Variants in RERE observed in about 807,000 individuals in gnomAD.
The protein encoded by RERE is arginine-glutamic acid dipeptide repeats protein.
In RERE, 40 loss-of-function variants were observed where a neutral mutation model predicts 146.1. The ratio of observed to expected loss-of-function variants is 0.27; its 90% confidence interval spans 0.21 to 0.36. The LOEUF is 0.36. RERE is among the 10% of genes least tolerant of loss of function. The probability of loss-of-function intolerance (pLI) is 1.00; values close to 1 mark genes in which losing one functional copy is unlikely to be tolerated. For synonymous variants in RERE, 1,003 were observed against 866.0 expected, an observed-to-expected ratio of 1.16 and a Z score of -2.78; for missense variants, 1,933 against 2,138.7, an observed-to-expected ratio of 0.90 and a Z score of 1.90.
chr1:8,381,837 T>G (rs1642472379), intron 12 of RERE, among the ~76,000 whole-genome samples: 2 of 152,204 alleles, frequency 1.3e-5, no homozygotes, highest in Non-Finnish European at 2.9e-5. Context: ...GTTTTACAAA[T>G]CTATGATGAA....
At chr1:8,575,561 A>ATATATATATATATATTTTTT (rs1337650659) in intron 4 of RERE, among the ~76,000 whole-genome samples, 1 of 98,678 alleles carries the variant, frequency 1.0e-5, no homozygotes, top group African/African-American at 4.6e-5. Context: ...ATATATATAT[A>ATATATATATATATATTTTTT]TTTTTTTTTT....
chr1:8,569,208 C>T (rs1646188101), intron 4 of RERE, among the ~76,000 whole-genome samples: 1 of 151,240 alleles, frequency 6.6e-6, no homozygotes, highest in Non-Finnish European at 1.5e-5. Context: ...TCAAATTCCC[C>T]CTTAATCCCT....
At chr1:8,653,621 G>A (rs955954859) in intron 2 of RERE, among the ~76,000 whole-genome samples, 1 of 151,322 alleles carries the variant, frequency 6.6e-6, no homozygotes, top group African/African-American at 2.4e-5. Flanking sequence ...CGTGAACCCG[G>A]GAGGCGGAGC....
Position 8,362,678 on chromosome 1 carries a change from C to A in RERE, c.1902+5G>T. ...GTAGGCCCTACTATCCCCCCAGCAC[C>A]TGACCTTGGCCGACTTCTTCACTGT... On this transcript the variant is annotated splice_donor_5th_base_variant and intron_variant, in intron 16 of 22. Transcript: ENST00000400908. The A allele has an allele frequency of 1.2e-6, 2 of 1,614,232 alleles. No homozygotes were observed. The highest frequency in any genetic ancestry group is 1.7e-6 in the Non-Finnish European group (2 of 1,180,038).
chr1:8,403,922 G>A (rs949281978), intron 12 of RERE, among the ~76,000 whole-genome samples: 8 of 128,604 alleles, frequency 6.2e-5, no homozygotes, highest in African/African-American at 2.0e-4. Flanking sequence ...CCTCCATCTC[G>A]CGGGTTTAAG....
At chr1:8,677,343 T>C (rs965030963) in intron 1 of RERE, among the ~76,000 whole-genome samples, 1 of 148,524 alleles carries the variant, frequency 6.7e-6, no homozygotes, top group African/African-American at 2.5e-5. Flanking sequence ...GCAGAACTGC[T>C]TAAACCCGGG....
At chr1:8,770,280 T>C (rs1640919573) in intron 1 of RERE, among the ~76,000 whole-genome samples, 1 of 152,128 alleles carries the variant, frequency 6.6e-6, no homozygotes, top group Non-Finnish European at 1.5e-5. Flanking sequence ...TGAGGTACAG[T>C]ACCTGACACA....
At chr1:8,366,684 C>A (rs1641815300) in intron 12 of RERE, among the ~76,000 whole-genome samples, 1 of 152,200 alleles carries the variant, frequency 6.6e-6, no homozygotes, top group East Asian at 1.9e-4. Context: ...GGTGCTGATG[C>A]AAAGGTGAAA....
chr1:8,496,982 C>T (rs1172777582), intron 9 of RERE, among the ~76,000 whole-genome samples: 1 of 152,118 alleles, frequency 6.6e-6, no homozygotes, highest in Non-Finnish European at 1.5e-5. Context: ...CCTATCAACC[C>T]GTCATCTAGG....
At position 8,720,170 on chromosome 1, in the gene RERE, G is replaced by A. The variant is rs983528971; in HGVS notation, c.-144-63729C>T. On this transcript the variant is annotated intron_variant, in intron 1 of 22. Coordinates refer to ENST00000400908, the MANE Select transcript of RERE (RefSeq NM_001042681.2). Reference sequence around the variant, plus strand: ...CGCCTGTAGTGCCAGCTACTCAGGAGGCTGAGGCAGGAGAATCGCTTGAAC... The same window carrying A: ...CGCCTGTAGTGCCAGCTACTCAGGAAGCTGAGGCAGGAGAATCGCTTGAAC... Among the ~76,000 whole-genome samples, 7 of 151,950 alleles carry A rather than the reference G, an allele frequency of 4.6e-5. No homozygotes were observed. In the East Asian group the frequency reaches 1.2e-3, roughly 25 times the overall value.
intron 1 of RERE, among the ~76,000 whole-genome samples, chr1:8,745,070 G>A (rs900284588): frequency 1.8e-4 from 27 of 152,228 alleles, no homozygotes; most frequent in Non-Finnish European, 3.4e-4. Flanking sequence ...ATTTGGTTTG[G>A]CTGTATCCTC....
intron 11 of RERE, among the ~76,000 whole-genome samples, chr1:8,457,314 A>G (rs981561233): frequency 1.3e-5 from 2 of 152,174 alleles, no homozygotes; most frequent in African/African-American, 2.4e-5. Context: ...TATAACCACC[A>G]AACACATGCT....
At chr1:8,467,405 C>T (rs908639284) in intron 10 of RERE, among the ~76,000 whole-genome samples, 28 of 152,190 alleles carry the variant, frequency 1.8e-4, no homozygotes, top group Non-Finnish European at 3.2e-4. Context: ...AGGCAAAGAC[C>T]TATGGAATCA....
rs912397975 is a variant in RERE at position 8,542,379 on chromosome 1, C to T, written c.726-1061G>A. 7.5e-4 allele frequency among the ~76,000 whole-genome samples: 114 copies of T among 152,066 alleles called. 1 individual carries two copies. The highest frequency in any genetic ancestry group is 1.4e-3 in the Non-Finnish European group (95 of 68,020). Reference sequence around the variant, plus strand: ...GTGATAAGAACTCCATGAGTATGCACGGTAACAACATACACACCAGCTAAT... The same window carrying T: ...GTGATAAGAACTCCATGAGTATGCATGGTAACAACATACACACCAGCTAAT... On this transcript the variant is annotated intron_variant, in intron 6 of 22. Coordinates refer to ENST00000400908, the MANE Select transcript of RERE (RefSeq NM_001042681.2).
At chr1:8,656,624 G>GT (rs974163429) in intron 1 of RERE, among the ~76,000 whole-genome samples, 183 bp from the exon 2 acceptor site, 4 of 152,166 alleles carry the variant, frequency 2.6e-5, no homozygotes, top group Admixed American at 6.5e-5. Flanking sequence ...ATGGTTTGGG[G>GT]TTTTTTATGA....
chr1:8,790,207 A>T lies in RERE; in HGVS notation c.-145+26953T>A, dbSNP rs571846747. 8.5e-5 allele frequency among the ~76,000 whole-genome samples: 13 copies of T among 152,238 alleles called. No homozygotes were observed. In the South Asian group the frequency reaches 2.7e-3, roughly 32 times the overall value. On this transcript the variant is annotated intron_variant, in intron 1 of 22. Transcript: ENST00000400908. Reference sequence around the variant, plus strand: ...AAGCACCAAGATTAGGACTAGACTTATGTGCTCCTTTGGGACAGGAAATGG... The same window carrying T: ...AAGCACCAAGATTAGGACTAGACTTTTGTGCTCCTTTGGGACAGGAAATGG...
At chr1:8,363,766 A>G (rs1280923375) in intron 15 of RERE, 1 of 462,400 alleles carries the variant, frequency 2.2e-6, no homozygotes, top group African/African-American at 2.0e-5. Flanking sequence ...TGACACCACA[A>G]GCAGCAGCCT....
intron 1 of RERE, among the ~76,000 whole-genome samples, chr1:8,691,096 C>A (rs1168059706): frequency 2.0e-5 from 3 of 152,048 alleles, no homozygotes; most frequent in African/African-American, 7.2e-5. Context: ...CGGGGTTTTA[C>A]CATGTTGGCC....
intron 7 of RERE, chr1:8,526,048 GCTGTTTC>G (rs1457576967): frequency 9.1e-6 from 11 of 1,213,964 alleles, no homozygotes; most frequent in Non-Finnish European, 1.1e-5. Flanking sequence ...TCTCAACCCT[GCTGTTTC>G]CGTAAATAAA....
Sources: gnomAD v4.1 joint callset for allele counts (sites outside exome capture counted in the v4.1 genomes callset) on GRCh38, gnomAD v4.1.1 for gene constraint, MANE v1.5 for transcripts, NCBI Gene and HGNC (gene_info 2026-07-23, HGNC 2026-07-21) for gene names.